PIGG: variants seen among roughly 807,000 people sequenced by gnomAD.
PIGG encodes GPI ethanolamine phosphate transferase 2, catalytic subunit.
PIGG carries 70 observed loss-of-function variants against 83.2 expected under a neutral mutation model. The ratio of observed to expected loss-of-function variants is 0.84; its 90% CI spans 0.69 to 1.03. PIGG has a LOEUF of 1.03. PIGG is among the 50% of genes least tolerant of loss of function. The probability of loss-of-function intolerance (pLI) is 0.00; values close to 1 mark genes in which losing one functional copy is unlikely to be tolerated. For missense variants in PIGG, 1,257 were observed against 1,233.6 expected (o/e 1.02, Z -0.28); for synonymous variants, 532 against 519.5 (o/e 1.02, Z -0.33).
Position 515,916 on chromosome 4 carries a change from G to A in PIGG, c.902-57G>A. ...GTTGTAGAAGGTCTAATTCAAGAAT[G>A]AGTACCATCTTACACTTTCTAGAAG... On this transcript the variant is annotated intron_variant, in intron 5 of 12. Transcript: ENST00000453061. This position sits in a 1 kb window ranked among gnomAD's most constrained non-coding sequence, Gnocchi z 4.2. 3 of 1,348,738 alleles carry A rather than the reference G, an allele frequency of 2.2e-6. No homozygotes were observed. The Admixed American group carries it at 5.1e-5, about 23-fold the overall frequency. 83.5% of individuals were successfully genotyped at this position (1,348,738 alleles called of 1,614,324 possible). A position where few individuals can be genotyped will look rare whatever the true frequency, so the allele number is the denominator to read the frequency against.
chr4:520,249 C>T lies in PIGG; in HGVS notation c.1115-807C>T, dbSNP rs191071277. Among the ~76,000 whole-genome samples, 4 of 152,354 alleles carry T rather than the reference C, an allele frequency of 2.6e-5. No individual in the cohort carries two copies. The South Asian group carries it at 6.2e-4, about 24-fold the overall frequency. ...AGCTCATGTCAAATACCGAGGGGGT[C>T]TCAGGAAGGAAGTTGTTGCTTTGCA... is the stretch of plus-strand genomic sequence containing the variant. On this transcript the variant is annotated intron_variant, in intron 6 of 12. Transcript: ENST00000453061.
chr4:535,524 T>G (rs1353467316), intron 12 of PIGG, among the ~76,000 whole-genome samples: 2 of 112,492 alleles, frequency 1.8e-5, no homozygotes, highest in East Asian at 5.5e-4. Flanking sequence ...CAGCCAGAGC[T>G]TTGCGTGTGT....
chr4:521,028 G>C lies in PIGG; in HGVS notation c.1115-28G>C, dbSNP rs111452902. ...ATGTATGTTCACGGTGTGTGTGCGC[G>C]CCTGTAACCTTTCTGTCTTCTTAAT... On this transcript the variant is annotated intron_variant, in intron 6 of 12. Coordinates refer to ENST00000453061, the MANE Select transcript of PIGG (RefSeq NM_001127178.3). The C allele has an allele frequency of 1.2e-4, 174 of 1,476,452 alleles. No homozygotes were observed. In the East Asian group the frequency reaches 3.8e-3, roughly 33 times the overall value. 91.5% of individuals were successfully genotyped at this position (1,476,452 alleles called of 1,614,324 possible).
At position 539,406 on chromosome 4, in the gene PIGG, A is replaced by C. The variant is rs754522919; in HGVS notation, c.*37A>C. 16 of 1,230,796 alleles carry C rather than the reference A, an allele frequency of 1.3e-5. No individual in the cohort carries two copies. Among genetic ancestry groups the C allele is most frequent in the Non-Finnish European group, 1.9e-5 (16 of 853,228 alleles). The allele number at this position is 1,230,796 out of a possible 1,614,324, so 76.2% of individuals were successfully genotyped here. A position where few individuals can be genotyped will look rare whatever the true frequency, so the allele number is the denominator to read the frequency against. ...CACTGGAAAAATAATACATGCTTAA[A>C]GTCTGCTGTTATTCTAAAATGAAAG... On this transcript the variant is annotated 3_prime_UTR_variant, in exon 13 of 13. Coordinates refer to ENST00000453061, the MANE Select transcript of PIGG (RefSeq NM_001127178.3).
Position 527,080 on chromosome 4 carries a change from C to G in PIGG, c.2111C>G (p.Ser704Cys). Residue 704 changes from serine to cysteine, a missense_variant, in exon 10 of 13, where the codon TCC becomes TGC. Transcript: ENST00000453061. Reference protein sequence around the residue: ...KAELSVLAALSLLVVFVLVQR... With the variant: ...KAELSVLAALCLLVVFVLVQR... ...GAGCTCTCTGTCCTGGCTGCCCTCT[C>G]CCTCCTCGTAGTTTTTGTGCTGGTG... 6.2e-7 allele frequency: 1 copy of G among 1,614,028 alleles called. No individual in the cohort carries two copies. Among genetic ancestry groups the G allele is most frequent in the African/African-American group, 1.3e-5 (1 of 75,016 alleles).
At chr4:530,342 T>C in intron 10 of PIGG, 94 bp from the exon 11 acceptor site, 1 of 867,044 alleles carries the variant, frequency 1.2e-6, no homozygotes, top group Non-Finnish European at 1.8e-6. Flanking sequence ...CATTTACTGG[T>C]TCCCTGGGTA....
intron 12 of PIGG, among the ~76,000 whole-genome samples, chr4:535,724 G>A (rs1025374005): frequency 1.3e-5 from 2 of 151,924 alleles, no homozygotes; most frequent in Non-Finnish European, 2.9e-5. Flanking sequence ...CCGAGCTGCC[G>A]GCGACTCCAC....
chr4:525,910 G>C (rs1293772387), intron 9 of PIGG: 2 of 152,260 alleles, frequency 1.3e-5, no homozygotes, highest in East Asian at 1.9e-4. Flanking sequence ...GGGATCCCAG[G>C]CATGTAGAGC....
Position 521,840 on chromosome 4 carries a change from T to C in PIGG, c.1513T>C (p.Trp505Arg), listed in dbSNP as rs111310605. The part of the protein sequence containing the change: ...ESSCYFCGLS[W>R]LAAGGVMVLA... Reference sequence around the variant, plus strand: ...TTCGTGCTACTTCTGTGGCCTCTCGTGGCTGGCGGCAGGTGGGGTGATGGT... The same window carrying C: ...TTCGTGCTACTTCTGTGGCCTCTCGCGGCTGGCGGCAGGTGGGGTGATGGT... The change falls in exon 8 of 13, where the codon TGG becomes CGG. Residue 505 changes from tryptophan to arginine, a missense_variant. Trp to Arg is a moderately radical substitution (Grantham distance 101). Coordinates refer to ENST00000453061, the MANE Select transcript of PIGG (RefSeq NM_001127178.3). 6.2e-7 allele frequency: 1 copy of C among 1,614,206 alleles called. No individual in the cohort carries two copies. Among genetic ancestry groups the C allele is most frequent in the Non-Finnish European group, 8.5e-7 (1 of 1,180,024 alleles).
intron 5 of PIGG, among the ~76,000 whole-genome samples, chr4:510,845 C>T (rs1721646124): frequency 6.6e-6 from 1 of 152,040 alleles, no homozygotes; most frequent in Non-Finnish European, 1.5e-5. Flanking sequence ...GCCCAGTCTT[C>T]TCTCCCTCCC....
intron 5 of PIGG, among the ~76,000 whole-genome samples, chr4:514,923 G>C (rs1240949566): frequency 6.6e-6 from 1 of 152,178 alleles, no homozygotes; most frequent in Non-Finnish European, 1.5e-5. Context: ...TTTTGTGTCA[G>C]CTCAAAGCAC....
chr4:499,798 C>T (rs1716908654), intron 1 of PIGG: 4 of 1,184,436 alleles, frequency 3.4e-6, no homozygotes, highest in Non-Finnish European at 4.3e-6. Context: ...CTTTCCTGAG[C>T]AGCCTTTGGG....
intron 10 of PIGG, chr4:527,991 G>T: frequency 1.0e-6 from 1 of 985,436 alleles, no homozygotes; most frequent in Non-Finnish European, 1.2e-6. Flanking sequence ...CCTTCACAAA[G>T]TGTCCTTGCA....
Position 530,453 on chromosome 4 carries a change from G to A in PIGG, c.2279G>A (p.Arg760His), listed in dbSNP as rs200170221. The A allele has an allele frequency of 1.5e-4, 245 of 1,611,766 alleles. 4 individuals are homozygous for A. In the Admixed American group the frequency reaches 2.2e-3, roughly 14 times the overall value. Residue 760 changes from arginine (R) to histidine (H), a missense_variant, in exon 11 of 13, where the codon CGT (arginine) becomes CAT (histidine). By Grantham distance (29) the Arg-to-His change is conservative (BLOSUM62 0). Coordinates refer to ENST00000453061, the MANE Select transcript of PIGG (RefSeq NM_001127178.3). ...TTTTTTAGGGGTATTATTGAAGCTC[G>A]TTTTGTTTATGTCTTTGTCCTTGGC... Reference protein sequence around the residue: ...KDISKGIIEARFVYVFVLGIL... With the variant: ...KDISKGIIEAHFVYVFVLGIL...
chr4:511,034 C>G (rs577940990), intron 5 of PIGG, among the ~76,000 whole-genome samples: 17 of 152,276 alleles, frequency 1.1e-4, no homozygotes, highest in Non-Finnish European at 1.9e-4. Context: ...TGGCTCTCAC[C>G]TGTAATCCCA....
At position 507,656 on chromosome 4, in the gene PIGG, AT is replaced by A. The variant is rs199557993; in HGVS notation, c.759+64del. 0.014 allele frequency: 19,864 copies of A among 1,380,106 alleles called. 172 individuals carry two copies. Among genetic ancestry groups the A allele is most frequent in the Non-Finnish European group, 0.017 (17,162 of 1,007,160 alleles). The allele number at this position is 1,380,106 out of a possible 1,614,324, so 85.5% of individuals were successfully genotyped here. On this transcript the variant is annotated intron_variant, in intron 4 of 12. Transcript: ENST00000453061. Reference sequence around the variant, plus strand: ...TTCACGTGGATGTTCCCTAGAATAAATGCAACCGCCTGAGTTATTCAGGGTG... The same window carrying A: ...TTCACGTGGATGTTCCCTAGAATAAAGCAACCGCCTGAGTTATTCAGGGTG...
At chr4:537,311 G>A (rs907052012) in intron 12 of PIGG, 43 of 152,194 alleles carry the variant, frequency 2.8e-4, no homozygotes, top group African/African-American at 9.4e-4. Context: ...CTCCCCTGCA[G>A]CGCAAATGGC....
chr4:501,310 G>C, intron 2 of PIGG: 1 of 353,006 alleles, frequency 2.8e-6, no homozygotes, highest in South Asian at 2.2e-5. Flanking sequence ...CTCAACAAAG[G>C]AGCATATGAA....
rs759400985 is a variant in PIGG at position 533,803 on chromosome 4, TCTC to T, written c.2572-12_2572-10del. On this transcript the variant is annotated splice_polypyrimidine_tract_variant and intron_variant, in intron 11 of 12. Coordinates refer to ENST00000453061, the MANE Select transcript of PIGG (RefSeq NM_001127178.3). ...GTGTTGTGAGGCCTTTGTCAGCTCT[TCTC>T]CTGTATTCCAGGGCAACTCCAACAA... 82 of 1,613,484 alleles carry T rather than the reference TCTC, an allele frequency of 5.1e-5. No individual in the cohort carries two copies. The African/African-American group carries it at 9.3e-4, about 18-fold the overall frequency.
Sources: gnomAD v4.1 joint callset for allele counts (sites outside exome capture counted in the v4.1 genomes callset) on GRCh38, gnomAD v4.1.1 for gene constraint, Gnocchi (gnomAD v3.1) non-coding constraint, MANE v1.5 for transcripts, NCBI Gene and HGNC (gene_info 2026-07-23, HGNC 2026-07-21) for gene names.